The following STAU2 variants were observed in gnomAD, a reference collection of about 807,000 sequenced individuals.
The protein encoded by STAU2 is staufen double-stranded RNA binding protein 2, also known as double-stranded RNA-binding protein Staufen homolog 2.
Under a neutral mutation model 65.9 loss-of-function variants are expected in STAU2, and 20 were observed. The observed-to-expected ratio is 0.30, with a 90% CI of 0.21 to 0.44. STAU2 has a LOEUF of 0.44. Ranked by LOEUF, STAU2 falls within the 20% of genes least tolerant of loss-of-function variation. The pLI, the probability that STAU2 is intolerant of heterozygous loss-of-function variation, is 1.00. For missense variants in STAU2, 558 were observed against 683.9 expected (o/e 0.82, Z 2.05); for synonymous variants, 232 against 233.9 (o/e 0.99, Z 0.07).
At chr8:73,463,635 T>C (rs1563607157) in intron 13 of STAU2, among the ~76,000 whole-genome samples, 1 of 152,220 alleles carries the variant, frequency 6.6e-6, no homozygotes, top group South Asian at 2.1e-4. Flanking sequence ...CTTACTTTTA[T>C]GAGAAGCATG....
At chr8:73,446,178 G>A (rs1267915527) in intron 13 of STAU2, among the ~76,000 whole-genome samples, 1 of 152,166 alleles carries the variant, frequency 6.6e-6, no homozygotes. Context: ...GTGAACAAAA[G>A]TCCATCTCAA....
chr8:73,543,651 T>C (rs1806702663), intron 13 of STAU2, among the ~76,000 whole-genome samples: 1 of 152,206 alleles, frequency 6.6e-6, no homozygotes, highest in Admixed American at 6.5e-5. Flanking sequence ...ATTCTGATGT[T>C]AGCTCATTGA....
intron 13 of STAU2, among the ~76,000 whole-genome samples, chr8:73,493,885 T>G (rs1337819778): frequency 6.6e-6 from 1 of 151,824 alleles, no homozygotes; most frequent in Non-Finnish European, 1.5e-5. Context: ...ATTTATGCAA[T>G]GAAATACTAT....
At chr8:73,737,887 A>G (rs1333581186) in intron 3 of STAU2, among the ~76,000 whole-genome samples, 1 of 151,916 alleles carries the variant, frequency 6.6e-6, no homozygotes, top group Non-Finnish European at 1.5e-5. Flanking sequence ...AGTGCCCTGG[A>G]AAGTGAACTT....
intron 13 of STAU2, among the ~76,000 whole-genome samples, chr8:73,509,533 G>T (rs925383092): frequency 1.3e-5 from 2 of 152,138 alleles, no homozygotes; most frequent in African/African-American, 2.4e-5. Flanking sequence ...GAATAACTGC[G>T]AGGGGGTAGA....
intron 9 of STAU2, among the ~76,000 whole-genome samples, chr8:73,608,229 T>C (rs1339686128): frequency 6.6e-6 from 1 of 152,154 alleles, no homozygotes; most frequent in Non-Finnish European, 1.5e-5. Flanking sequence ...AAACCTTAAC[T>C]GTAGTAGTTC....
At chr8:73,460,995 C>T (rs1392045836) in intron 13 of STAU2, among the ~76,000 whole-genome samples, 3 of 152,148 alleles carry the variant, frequency 2.0e-5, no homozygotes, top group Non-Finnish European at 4.4e-5. Context: ...ACACTATTTT[C>T]CTTCTTTCAG....
At chr8:73,721,857 A>G (rs1052152204) in intron 3 of STAU2, among the ~76,000 whole-genome samples, 1 of 152,198 alleles carries the variant, frequency 6.6e-6, no homozygotes, top group Non-Finnish European at 1.5e-5. Flanking sequence ...TGACAAATTC[A>G]GCCTTTAAAC....
In STAU2 at chr8:73,657,991, C is replaced by T. The variant is rs142052807; in HGVS notation, c.410+15116G>A. ...ATTGCACCACTGCACTCCAGCTTGG[C>T]GACAGAGCAACACTCCATTAAAAAA... On this transcript the variant is annotated intron_variant, in intron 6 of 14. Coordinates refer to ENST00000524300, the MANE Select transcript of STAU2 (RefSeq NM_001164380.2). 5.3e-3 allele frequency among the ~76,000 whole-genome samples: 809 copies of T among 151,408 alleles called. 6 individuals are homozygous for T. The highest frequency in any genetic ancestry group is 0.019 in the African/African-American group (773 of 41,208).
chr8:73,746,407 C>G (rs886204438), intron 1 of STAU2, among the ~76,000 whole-genome samples: 1 of 152,020 alleles, frequency 6.6e-6, no homozygotes, highest in African/African-American at 2.4e-5. Context: ...CCCCTAGAAC[C>G]CCAGCCTCCC....
upstream of STAU2, chr8:73,747,358 C>T (rs1317540681): frequency 6.5e-7 from 1 of 1,534,834 alleles, no homozygotes. Context: ...TTCTGGTCCG[C>T]ACCCTGTGCT....
intron 13 of STAU2, among the ~76,000 whole-genome samples, chr8:73,454,916 G>A (rs1313390691): frequency 6.6e-6 from 1 of 152,206 alleles, no homozygotes; most frequent in Non-Finnish European, 1.5e-5. Flanking sequence ...GATCTGGGAA[G>A]CTGTGGCTGT....
At chr8:73,677,087 C>T (rs1302516414) in intron 5 of STAU2, among the ~76,000 whole-genome samples, 1 of 152,160 alleles carries the variant, frequency 6.6e-6, no homozygotes, top group East Asian at 1.9e-4. Flanking sequence ...CAGCACTTTA[C>T]AACAGAGCCT....
At chr8:73,616,827 T>C (rs1293779606) in intron 7 of STAU2, among the ~76,000 whole-genome samples, 1 of 151,918 alleles carries the variant, frequency 6.6e-6, no homozygotes, top group East Asian at 1.9e-4. Context: ...CTATGCTATG[T>C]ATAGGACATG....
At chr8:73,564,872 G>A (rs972822843) in intron 12 of STAU2, among the ~76,000 whole-genome samples, 31 of 152,192 alleles carry the variant, frequency 2.0e-4, no homozygotes, top group Admixed American at 1.1e-3. Flanking sequence ...TGCATATTAG[G>A]TTCACTGGCA....
chr8:73,525,853 G>C (rs892733592), intron 13 of STAU2, among the ~76,000 whole-genome samples: 13 of 152,212 alleles, frequency 8.5e-5, no homozygotes, highest in Admixed American at 4.6e-4. Flanking sequence ...CAAAAAGGTG[G>C]AGTTGCTAGA....
intron 12 of STAU2, among the ~76,000 whole-genome samples, chr8:73,560,120 C>G (rs373046169): frequency 2.0e-5 from 3 of 148,024 alleles, no homozygotes; most frequent in African/African-American, 7.5e-5. Context: ...TCGCTCTGTC[C>G]CCCAGGCTGG....
intron 13 of STAU2, among the ~76,000 whole-genome samples, chr8:73,465,773 ATTCT>A (rs1819622153): frequency 6.6e-6 from 1 of 152,084 alleles, no homozygotes; most frequent in Non-Finnish European, 1.5e-5. Context: ...GTTGTCTTTC[ATTCT>A]ATTGCAGCCT....
At chr8:73,427,923 TTTA>T (rs1416011669) in intron 13 of STAU2, among the ~76,000 whole-genome samples, 15 of 152,248 alleles carry the variant, frequency 9.9e-5, no homozygotes, top group Non-Finnish European at 1.6e-4. Context: ...CATTTGAAAT[TTTA>T]TTATTTTTTG....
Sources: allele counts gnomAD v4.1 joint callset (sites outside exome capture counted in the v4.1 genomes callset), GRCh38; gene constraint gnomAD v4.1.1; transcripts MANE v1.5; gene names NCBI Gene and HGNC (gene_info 2026-07-23, HGNC 2026-07-21).